SLC29A3: variants seen among roughly 807,000 people sequenced by gnomAD.
SLC29A3 encodes equilibrative nucleoside transporter 3.
Under a neutral mutation model 25.4 loss-of-function variants are expected in SLC29A3, and 18 were observed. That is an observed-to-expected ratio of 0.71 (90% CI 0.49 to 1.05). The LOEUF (loss-of-function observed/expected upper bound fraction) is 1.05. SLC29A3 is among the 50% of genes least tolerant of loss of function. The pLI is 0.00. For synonymous variants in SLC29A3, 258 were observed against 267.1 expected, an observed-to-expected ratio of 0.97 and a Z score of 0.33; for missense variants, 586 against 609.0, an observed-to-expected ratio of 0.96 and a Z score of 0.40.
chr10:71,342,491 A>G (rs1341605910), intron 2 of SLC29A3, among the ~76,000 whole-genome samples: 1 of 152,276 alleles, frequency 6.6e-6, no homozygotes, highest in African/African-American at 2.4e-5. Context: ...AAACAGGCAC[A>G]TTCAGTTACC....
At chr10:71,339,160 G>A (rs772837520) in intron 2 of SLC29A3, among the ~76,000 whole-genome samples, 19 of 152,212 alleles carry the variant, frequency 1.2e-4, no homozygotes, top group Non-Finnish European at 1.8e-4. Context: ...TCTGTAAAAT[G>A]AGAGCGATTC....
At chr10:71,345,786 C>G (rs1198488260) in intron 3 of SLC29A3, among the ~76,000 whole-genome samples, 1 of 152,178 alleles carries the variant, frequency 6.6e-6, no homozygotes, top group South Asian at 2.1e-4. Context: ...GGCTGCGCCT[C>G]GCAGGAGAGA....
intron 3 of SLC29A3, among the ~76,000 whole-genome samples, chr10:71,368,835 T>G (rs1432509102): frequency 2.6e-5 from 4 of 152,118 alleles, no homozygotes; most frequent in African/African-American, 9.7e-5. Context: ...CCCTCCTCCA[T>G]TTTCTCATCT....
chr10:71,367,915 C>T (rs1258816389), downstream of SLC29A3, among the ~76,000 whole-genome samples: 2 of 152,140 alleles, frequency 1.3e-5, no homozygotes, highest in East Asian at 1.9e-4. Context: ...CCTGCTGGTG[C>T]CCTTTTCTGA....
intron 4 of SLC29A3, among the ~76,000 whole-genome samples, chr10:71,378,254 G>A (rs954810000): frequency 1.6e-4 from 24 of 152,114 alleles, no homozygotes; most frequent in African/African-American, 5.6e-4. Context: ...GGGACTCAAC[G>A]AAGCCGTCTT....
intron 3 of SLC29A3, among the ~76,000 whole-genome samples, chr10:71,345,923 T>C (rs559756229): frequency 6.6e-5 from 10 of 152,360 alleles, no homozygotes; most frequent in African/African-American, 2.2e-4. Flanking sequence ...CCAGAGGATG[T>C]GGGGCTGTTT....
In SLC29A3 at chr10:71,362,023, C is replaced by T; in HGVS notation, c.843C>T (p.Leu281=). 1 of 1,614,180 alleles carries T rather than the reference C, an allele frequency of 6.2e-7. No homozygotes were observed. The highest frequency in any genetic ancestry group is 8.5e-7 in the Non-Finnish European group (1 of 1,180,024). The stretch of plus-strand genomic sequence containing the variant: ...AAGAGGAGCTTCCCCAGGACTCCCT[C>T]AGTGCCCCTTCGGTGGCCTCCAGAT... ...SGEEELPQDS[L]SAPSVASRFI... The change falls in exon 6 of 6, where the codon CTC becomes CTT. Residue 281 remains leucine (L), a synonymous_variant. Transcript: ENST00000373189.
At chr10:71,324,757 A>G (rs1845927403) in intron 2 of SLC29A3, among the ~76,000 whole-genome samples, 1 of 152,146 alleles carries the variant, frequency 6.6e-6, no homozygotes, top group South Asian at 2.1e-4. Flanking sequence ...ATGGAGGGAC[A>G]GCTATACATC....
Position 71,356,328 on chromosome 10 carries a change from G to A in SLC29A3, c.773+85G>A, listed in dbSNP as rs76197576. On this transcript the variant is annotated intron_variant, in intron 5 of 5. Transcript: ENST00000373189. ...CTTTTTCTCAGCAGCTTCTATGCTGGCTTCTTTGTCTAGGTGCTATGGCTC... is the reference window on the plus strand; with the variant it reads ...CTTTTTCTCAGCAGCTTCTATGCTGACTTCTTTGTCTAGGTGCTATGGCTC... 1.3e-3 allele frequency: 1,977 copies of A among 1,528,454 alleles called. 25 individuals are homozygous for A. In the African/African-American group the frequency reaches 0.023, roughly 18 times the overall value. The allele number at this position is 1,528,454 out of a possible 1,614,324, so 94.7% of individuals were successfully genotyped here.
chr10:71,333,240 G>A (rs61851338), intron 2 of SLC29A3, among the ~76,000 whole-genome samples: 14,380 of 152,306 alleles, frequency 0.094, 893 homozygotes, highest in Non-Finnish European at 0.14. Flanking sequence ...GCCTCTTGCC[G>A]GTCCTCACTG....
At position 71,322,778 on chromosome 10, in the gene SLC29A3, C is replaced by CT; in HGVS notation, c.27dup (p.Gln10SerfsTer18). ...TAGTGGCCGTTGTCTCAGAGGACGA[C>CT]TTTCAGCACAGTTCAAACTCCACCT... is the stretch of plus-strand genomic sequence containing the variant. On this transcript the variant is annotated frameshift_variant, in exon 2 of 6. Transcript: ENST00000373189. LOFTEE classifies it high-confidence loss of function. The CT allele has an allele frequency of 1.9e-6, 3 of 1,614,140 alleles. No individual in the cohort carries two copies. Among genetic ancestry groups the CT allele is most frequent in the Non-Finnish European group, 2.5e-6 (3 of 1,180,030 alleles).
intron 2 of SLC29A3, among the ~76,000 whole-genome samples, chr10:71,340,252 C>T (rs898731715): frequency 2.6e-5 from 4 of 152,290 alleles, no homozygotes; most frequent in East Asian, 1.9e-4. Context: ...CTATAAGGCC[C>T]ACATTGACCC....
chr10:71,322,688 C>T, intron 1 of SLC29A3, 68 bp from the exon 2 acceptor site: 1 of 1,594,864 alleles, frequency 6.3e-7, no homozygotes, highest in Non-Finnish European at 8.6e-7. Context: ...TGGGTGGGTC[C>T]CCAGCTGTCC....
chr10:71,331,617 A>G (rs949740092), intron 2 of SLC29A3, among the ~76,000 whole-genome samples: 4 of 152,240 alleles, frequency 2.6e-5, no homozygotes, highest in Non-Finnish European at 4.4e-5. Context: ...AAAGAAGGCA[A>G]CAAAGGATTA....
chr10:71,363,103 T>C lies in SLC29A3; in HGVS notation c.*495T>C. On this transcript the variant is annotated 3_prime_UTR_variant, in exon 6 of 6. Coordinates refer to ENST00000373189, the MANE Select transcript of SLC29A3 (RefSeq NM_018344.6). ...CATGGTCAGTCCTCAGGCCCAAGAC[T>C]CAAGTGTGCACAGACCCCTGTGTTC... 1 of 446,328 alleles carries C rather than the reference T, an allele frequency of 2.2e-6. No individual in the cohort carries two copies. Among genetic ancestry groups the C allele is most frequent in the Non-Finnish European group, 4.5e-6 (1 of 222,100 alleles). The allele number at this position is 446,328 out of a possible 1,614,324, so 27.6% of individuals were successfully genotyped here.
intron 2 of SLC29A3, among the ~76,000 whole-genome samples, chr10:71,337,459 C>T (rs1846282367): frequency 6.6e-6 from 1 of 152,216 alleles, no homozygotes; most frequent in Admixed American, 6.5e-5. Flanking sequence ...ATTTCATGCC[C>T]CTGTGATCCA....
intron 3 of SLC29A3, among the ~76,000 whole-genome samples, chr10:71,348,391 G>T (rs1734147394): frequency 6.6e-6 from 1 of 152,226 alleles, no homozygotes; most frequent in Non-Finnish European, 1.5e-5. Context: ...GGGTCTAGCT[G>T]CTTCTTTTTA....
chr10:71,370,559 T>A (rs780696), intron 3 of SLC29A3, among the ~76,000 whole-genome samples: 78,053 of 152,036 alleles, frequency 0.51, 21,503 homozygotes, highest in Middle Eastern at 0.63. Context: ...AGTCTTGCTA[T>A]GTTGCTGAGG....
intron 2 of SLC29A3, among the ~76,000 whole-genome samples, chr10:71,326,366 A>G (rs1171676521): frequency 6.6e-6 from 1 of 152,242 alleles, no homozygotes; most frequent in Non-Finnish European, 1.5e-5. Flanking sequence ...AAACACTATT[A>G]TTGTGATGAT....
Sources: allele counts gnomAD v4.1 joint callset (sites outside exome capture counted in the v4.1 genomes callset), GRCh38; gene constraint gnomAD v4.1.1; transcripts MANE v1.5; gene names NCBI Gene and HGNC (gene_info 2026-07-23, HGNC 2026-07-21).